The following SRRM4 variants were observed in gnomAD, a reference collection of about 807,000 sequenced individuals.
The protein encoded by SRRM4 is serine/arginine repetitive matrix protein 4.
A neutral mutation model predicts 68.9 loss-of-function variants in SRRM4; 33 were observed. The ratio of observed to expected loss-of-function variants is 0.48; its 90% CI spans 0.36 to 0.64. The LOEUF is 0.64. Among genes scored for constraint, SRRM4 ranks in the 30% least tolerant of loss-of-function variants. SRRM4 has a pLI of 0.00. For missense variants in SRRM4, 817 were observed against 827.1 expected, an observed-to-expected ratio of 0.99 and a Z score of 0.15; for synonymous variants, 318 against 318.8, an observed-to-expected ratio of 1.00 and a Z score of 0.03.
intron 1 of SRRM4, among the ~76,000 whole-genome samples, chr12:119,040,996 C>T (rs1442425702): frequency 1.3e-5 from 2 of 152,016 alleles, no homozygotes; most frequent in Non-Finnish European, 1.5e-5. Context: ...GTGATCCACT[C>T]GCCTCAGCCT....
At chr12:119,057,782 CA>C (rs760007060) in intron 1 of SRRM4, among the ~76,000 whole-genome samples, 4 of 152,198 alleles carry the variant, frequency 2.6e-5, no homozygotes, top group Non-Finnish European at 4.4e-5. Flanking sequence ...CTGTCTTCCA[CA>C]ATGGCTGAAC....
intron 1 of SRRM4, among the ~76,000 whole-genome samples, chr12:118,999,402 C>G (rs765125377): frequency 3.3e-5 from 5 of 152,122 alleles, no homozygotes; most frequent in African/African-American, 1.2e-4. Flanking sequence ...CAGGGAGGGG[C>G]GGCCTCAGGG....
rs566052072 is a variant in SRRM4 at position 119,108,307 on chromosome 12, G to C, written c.278+5925G>C. Among the ~76,000 whole-genome samples, 12 of 152,334 alleles carry C rather than the reference G, an allele frequency of 7.9e-5. No homozygotes were observed. The East Asian group carries it at 2.1e-3, about 27-fold the overall frequency. On this transcript the variant is annotated intron_variant, in intron 2 of 12. Transcript: ENST00000267260. ...GTATATTCTCCTGATTTGGGGTGGA[G>C]AGTTCTGTAGATGTCTATTAGGTCT...
At chr12:119,078,431 C>G (rs1271015279) in intron 1 of SRRM4, among the ~76,000 whole-genome samples, 2 of 152,172 alleles carry the variant, frequency 1.3e-5, no homozygotes, top group Non-Finnish European at 2.9e-5. Flanking sequence ...GTGTTCATTT[C>G]TAAGAGCCCT....
chr12:119,112,399 G>A (rs530059011), intron 2 of SRRM4, among the ~76,000 whole-genome samples: 1 of 152,304 alleles, frequency 6.6e-6, no homozygotes, highest in African/African-American at 2.4e-5. Flanking sequence ...GTTCCTCAAA[G>A]ACCTAGAACC....
chr12:119,075,681 TG>T (rs1565902889), intron 1 of SRRM4, among the ~76,000 whole-genome samples: 7 of 151,600 alleles, frequency 4.6e-5, no homozygotes, highest in Non-Finnish European at 1.0e-4. Context: ...ATGATGGTGA[TG>T]ATGGTGATGA....
At chr12:118,988,256 CA>C (rs2135988110) in intron 1 of SRRM4, among the ~76,000 whole-genome samples, 1 of 152,264 alleles carries the variant, frequency 6.6e-6, no homozygotes, top group East Asian at 1.9e-4. Flanking sequence ...ACGTTATCTA[CA>C]AATACAAGGA....
intron 1 of SRRM4, among the ~76,000 whole-genome samples, chr12:119,086,390 A>G (rs1282392423): frequency 2.0e-5 from 3 of 152,152 alleles, no homozygotes; most frequent in African/African-American, 7.2e-5. Context: ...CACAGGTCCC[A>G]CCACCAGGGG....
chr12:119,104,822 T>TA (rs1458653664), intron 2 of SRRM4, among the ~76,000 whole-genome samples: 3 of 152,040 alleles, frequency 2.0e-5, no homozygotes, highest in Admixed American at 6.6e-5. Context: ...CTTTTTTTTT[T>TA]AATTTTTTTT....
chr12:119,107,748 G>A (rs1275135226), intron 2 of SRRM4, among the ~76,000 whole-genome samples: 1 of 151,958 alleles, frequency 6.6e-6, no homozygotes, highest in African/African-American at 2.4e-5. Context: ...TATCAATTTT[G>A]TTGATCTTTT....
intron 1 of SRRM4, among the ~76,000 whole-genome samples, chr12:119,098,768 C>G (rs974761574): frequency 3.3e-5 from 5 of 152,182 alleles, no homozygotes; most frequent in African/African-American, 1.2e-4. Flanking sequence ...TTGGAGTCAT[C>G]CTTGACTCCT....
intron 1 of SRRM4, among the ~76,000 whole-genome samples, chr12:119,075,757 GAT>G (rs1953907625): frequency 1.5e-5 from 2 of 134,306 alleles, no homozygotes; most frequent in South Asian, 5.1e-4. Context: ...TGGTAATGAT[GAT>G]GGTGATGATG....
chr12:118,981,863 C>G lies in SRRM4; in HGVS notation c.-20C>G, dbSNP rs773743894. 1 of 1,611,486 alleles carries G rather than the reference C, an allele frequency of 6.2e-7. No homozygotes were observed. On this transcript the variant is annotated 5_prime_UTR_variant, in exon 1 of 13. Transcript: ENST00000267260. Reference sequence around the variant, plus strand: ...CACTTTGGACAGCGCCCCGGACGCCCCGGCCCCTTTGGGTTGGCGATGGCG... The same window carrying G: ...CACTTTGGACAGCGCCCCGGACGCCGCGGCCCCTTTGGGTTGGCGATGGCG...
intron 8 of SRRM4, among the ~76,000 whole-genome samples, chr12:119,133,385 G>A (rs1427070464): frequency 6.6e-6 from 1 of 152,192 alleles, no homozygotes; most frequent in Non-Finnish European, 1.5e-5. Context: ...AGCAGTGGTA[G>A]TAGTCATAGT....
At chr12:119,122,499 C>G (rs184802048) in intron 6 of SRRM4, among the ~76,000 whole-genome samples, 1 of 151,304 alleles carries the variant, frequency 6.6e-6, no homozygotes, top group East Asian at 1.9e-4. Context: ...ATGAGTATAC[C>G]TTGTGTGTAT....
intron 8 of SRRM4, among the ~76,000 whole-genome samples, chr12:119,132,655 G>C (rs1048374237): frequency 1.3e-5 from 2 of 152,154 alleles, no homozygotes; most frequent in Non-Finnish European, 2.9e-5. Context: ...AAAACACATG[G>C]GTTCTTAATG....
chr12:119,060,469 G>A lies in SRRM4; in HGVS notation c.132-41767G>A, dbSNP rs186162941. Among the ~76,000 whole-genome samples the A allele has an allele frequency of 6.7e-5, 10 of 150,170 alleles. No individual in the cohort carries two copies. The East Asian group carries it at 1.2e-3, about 18-fold the overall frequency. On this transcript the variant is annotated intron_variant, in intron 1 of 12. Coordinates refer to ENST00000267260, the MANE Select transcript of SRRM4 (RefSeq NM_194286.4). Reference sequence around the variant, plus strand: ...TGTGTGTACATTAACACTCATGCACGTACACATTCACACTCATTTACACCC... The same window carrying A: ...TGTGTGTACATTAACACTCATGCACATACACATTCACACTCATTTACACCC...
At chr12:119,042,686 A>G (rs2136012584) in intron 1 of SRRM4, among the ~76,000 whole-genome samples, 1 of 152,076 alleles carries the variant, frequency 6.6e-6, no homozygotes, top group African/African-American at 2.4e-5. Context: ...GGGCAGGAAG[A>G]GGGAGGAAGG....
intron 1 of SRRM4, among the ~76,000 whole-genome samples, chr12:119,042,060 G>A (rs149744595): frequency 6.6e-6 from 1 of 152,278 alleles, no homozygotes; most frequent in African/African-American, 2.4e-5. Context: ...TCAGTCCAAT[G>A]CCTTCATTTC....
Sources: allele counts gnomAD v4.1 joint callset (sites outside exome capture counted in the v4.1 genomes callset), GRCh38; gene constraint gnomAD v4.1.1; transcripts MANE v1.5; gene names NCBI Gene and HGNC (gene_info 2026-07-23, HGNC 2026-07-21).